TJP1: variants seen among roughly 807,000 people sequenced by gnomAD.
TJP1 encodes the protein tight junction protein ZO-1.
A neutral mutation model predicts 194.2 loss-of-function variants in TJP1; 43 were observed. The observed-to-expected ratio is 0.22, with a 90% confidence interval of 0.17 to 0.29. The LOEUF is 0.29. Among genes scored for constraint, TJP1 ranks in the 10% least tolerant of loss-of-function variants. TJP1 has a pLI of 1.00. For synonymous variants in TJP1, 801 were observed against 779.0 expected, an observed-to-expected ratio of 1.03 and a Z score of -0.47; for missense variants, 1,971 against 2,185.7, an observed-to-expected ratio of 0.90 and a Z score of 1.96.
intron 2 of TJP1, among the ~76,000 whole-genome samples, chr15:29,918,838 G>C (rs1219110890): frequency 6.6e-6 from 1 of 152,130 alleles, no homozygotes; most frequent in Admixed American, 6.5e-5. Context: ...AAACATAGTA[G>C]AGAAAAGATA....
At chr15:29,821,782 C>T (rs529613645) in intron 1 of TJP1, among the ~76,000 whole-genome samples, 1 of 149,316 alleles carries the variant, frequency 6.7e-6, no homozygotes, top group African/African-American at 2.4e-5. Context: ...GCCCGCAGCC[C>T]CCTCCCCGGC....
At chr15:29,771,078 A>G (rs2046640753) in intron 4 of TJP1, among the ~76,000 whole-genome samples, 1 of 152,108 alleles carries the variant, frequency 6.6e-6, no homozygotes, top group Admixed American at 6.5e-5. Context: ...TCCACTATAT[A>G]TTTTTACTGT....
chr15:29,909,806 A>C lies in TJP1; in HGVS notation c.306+46426T>G, dbSNP rs769307798. ...GCACTCGGGCCAAGCTGGAGTCTGC[A>C]GATTAGAACCTGGGTCTCTGAAGAA... On this transcript the variant is annotated intron_variant, in intron 2 of 28. Transcript: ENST00000356107. Among the ~76,000 whole-genome samples, 38 of 152,166 alleles carry C rather than the reference A, an allele frequency of 2.5e-4. 1 individual carries two copies. Among genetic ancestry groups the C allele is most frequent in the Non-Finnish European group, 1.5e-4 (10 of 68,040 alleles).
At chr15:29,741,476 A>G (rs1158201769) in intron 9 of TJP1, 40 bp from the exon 10 acceptor site, 1 of 1,382,092 alleles carries the variant, frequency 7.2e-7, no homozygotes, top group Non-Finnish European at 1.0e-6. Flanking sequence ...CTTTAGAAAA[A>G]CATGGAATAA....
intron 23 of TJP1, among the ~76,000 whole-genome samples, chr15:29,711,378 G>GT (rs2042234243): frequency 6.6e-6 from 1 of 151,652 alleles, no homozygotes; most frequent in Admixed American, 6.6e-5. Flanking sequence ...CACTTTTTTT[G>GT]TTTTTGAGAC....
intron 2 of TJP1, among the ~76,000 whole-genome samples, chr15:29,877,852 A>G (rs1039661195): frequency 2.6e-5 from 4 of 151,588 alleles, no homozygotes; most frequent in African/African-American, 9.7e-5. Flanking sequence ...TATTTTTAGT[A>G]GAGATGGGGT....
rs577327450 is a variant in TJP1, at chr15:29,951,948, G to T, written c.306+4284C>A. On this transcript the variant is annotated intron_variant, in intron 2 of 28. Transcript: ENST00000356107. Reference sequence around the variant, plus strand: ...TCCATTCCCCTATTTTAGGAAGGAGGTTTAATAAAAGAAGCTGCAAAATTT... The same window carrying T: ...TCCATTCCCCTATTTTAGGAAGGAGTTTTAATAAAAGAAGCTGCAAAATTT... Among the ~76,000 whole-genome samples, 4 of 152,258 alleles carry T rather than the reference G, an allele frequency of 2.6e-5. No homozygotes were observed. In the East Asian group the frequency reaches 7.7e-4, roughly 29 times the overall value.
At chr15:29,958,986 T>G (rs2056054509) in intron 1 of TJP1, among the ~76,000 whole-genome samples, 1 of 141,984 alleles carries the variant, frequency 7.0e-6, no homozygotes, top group South Asian at 2.2e-4. Context: ...AAGTAGCTAG[T>G]TTTTTTTTTT....
At chr15:29,833,881 A>ATATATATAT (rs1555434000) in intron 2 of TJP1, among the ~76,000 whole-genome samples, 1 of 12,616 alleles carries the variant, frequency 7.9e-5, no homozygotes, top group Non-Finnish European at 1.4e-4. Flanking sequence ...ATATATATAT[A>ATATATATAT]TTTTTTTTTT....
intron 8 of TJP1, among the ~76,000 whole-genome samples, chr15:29,749,783 T>G (rs1054586538): frequency 2.0e-5 from 3 of 152,190 alleles, no homozygotes; most frequent in Non-Finnish European, 4.4e-5. Flanking sequence ...AGTGGGAGCC[T>G]CTTCCTTTGG....
chr15:29,885,120 C>T (rs2053071112), intron 2 of TJP1, among the ~76,000 whole-genome samples: 1 of 152,174 alleles, frequency 6.6e-6, no homozygotes. Context: ...CTCCCAGCCT[C>T]AAATACTCCT....
At chr15:29,781,178 G>C (rs2047348439) in intron 2 of TJP1, among the ~76,000 whole-genome samples, 1 of 152,134 alleles carries the variant, frequency 6.6e-6, no homozygotes, top group Non-Finnish European at 1.5e-5. Context: ...GTAACCATCA[G>C]AGAATACTAT....
At chr15:29,906,878 C>T (rs1038199073) in intron 2 of TJP1, among the ~76,000 whole-genome samples, 2 of 151,648 alleles carry the variant, frequency 1.3e-5, no homozygotes, top group African/African-American at 2.4e-5. Flanking sequence ...CTGTGCCTGG[C>T]CTTGAAAAAG....
chr15:29,726,668 C>G (rs2043256343), intron 17 of TJP1, 113 bp downstream of exon 17: 1 of 1,213,378 alleles, frequency 8.2e-7, no homozygotes. Flanking sequence ...CAACAGGAAG[C>G]TTTCCAAGAA....
At chr15:29,859,366 AAG>A (rs2051985916) in intron 2 of TJP1, among the ~76,000 whole-genome samples, 1 of 152,194 alleles carries the variant, frequency 6.6e-6, no homozygotes, top group Admixed American at 6.5e-5. Flanking sequence ...GTCAAATATT[AAG>A]AAGAGCTTTG....
intron 2 of TJP1, among the ~76,000 whole-genome samples, chr15:29,837,514 C>T (rs1596075809): frequency 6.6e-6 from 1 of 152,110 alleles, no homozygotes; most frequent in African/African-American, 2.4e-5. Context: ...GCCAAGATGG[C>T]GCCCTTGCAC....
rs144951035 is a variant in TJP1, at chr15:29,899,835, G to A, written c.306+56397C>T. Among the ~76,000 whole-genome samples the A allele has an allele frequency of 1.6e-4, 25 of 152,144 alleles. No individual in the cohort carries two copies. In the East Asian group the frequency reaches 4.8e-3, roughly 29 times the overall value. The stretch of plus-strand genomic sequence containing the variant: ...AATAGTTGTCCAATGGCAGGAAGTT[G>A]GATTAACTGATTAATTTATTCAGGA... On this transcript the variant is annotated intron_variant, in intron 2 of 28. Transcript: ENST00000356107.
intron 2 of TJP1, among the ~76,000 whole-genome samples, chr15:29,949,940 TCCACAA>T (rs1180112862): frequency 3.6e-4 from 3 of 8,448 alleles, no homozygotes; most frequent in Admixed American, 1.6e-3. Context: ...CACCACCACC[TCCACAA>T]CCACCACCAC....
intron 1 of TJP1, among the ~76,000 whole-genome samples, chr15:29,803,838 G>A (rs1376923901): frequency 6.6e-6 from 1 of 151,848 alleles, no homozygotes; most frequent in Non-Finnish European, 1.5e-5. Context: ...TGGAGGACTG[G>A]AAAAGTCCAC....
Sources: gnomAD v4.1 joint callset for allele counts (sites outside exome capture counted in the v4.1 genomes callset) on GRCh38, gnomAD v4.1.1 for gene constraint, MANE v1.5 for transcripts, NCBI Gene and HGNC (gene_info 2026-07-23, HGNC 2026-07-21) for gene names.